Variants in GLYATL3 observed in about 807,000 individuals in gnomAD.
GLYATL3 encodes the protein glycine N-acyltransferase-like protein 3.
GLYATL3 carries 31 observed loss-of-function variants against 28.5 expected under a neutral mutation model. That is an observed-to-expected ratio of 1.09 (90% CI 0.82 to 1.47). GLYATL3 has a LOEUF of 1.47. Among genes scored for constraint, GLYATL3 ranks in the 40% most tolerant of loss-of-function variants. GLYATL3 has a pLI of 0.00. For synonymous variants in GLYATL3, 141 were observed against 140.2 expected (o/e 1.01, Z -0.04); for missense variants, 369 against 351.5 (o/e 1.05, Z -0.40).
chr6:49,522,275 C>T (rs1481402277), intron 5 of GLYATL3, among the ~76,000 whole-genome samples: 1 of 152,090 alleles, frequency 6.6e-6, no homozygotes, highest in Non-Finnish European at 1.5e-5. Flanking sequence ...CACCCCCACA[C>T]ACCTTTTTAA....
intron 2 of GLYATL3, among the ~76,000 whole-genome samples, chr6:49,512,965 G>T (rs764652910): frequency 2.6e-4 from 40 of 152,132 alleles, no homozygotes; most frequent in Non-Finnish European, 4.9e-4. Flanking sequence ...GAATCATTTG[G>T]CTAAAAAATA....
chr6:49,506,661 T>C (rs977842103), intron 1 of GLYATL3, among the ~76,000 whole-genome samples: 1 of 152,166 alleles, frequency 6.6e-6, no homozygotes, highest in African/African-American at 2.4e-5. Flanking sequence ...TCCATTTTCC[T>C]GACTTTTTTT....
Position 49,521,664 on chromosome 6 carries a change from T to C in GLYATL3, c.333T>C (p.Tyr111=). The change falls in exon 5 of 6, where the codon TAT becomes TAC. Residue 111 remains tyrosine (Y), a synonymous_variant. Transcript: ENST00000371197. ...FQIQGLQSEL[Y]DVSKAVANSK... is the part of the protein sequence containing the mutation. ...ACACAGGGCTGCAGAGTGAGTTATA[T>C]GATGTTTCCAAAGCGGTTGCCAATT... 2 of 1,551,080 alleles carry C rather than the reference T, an allele frequency of 1.3e-6. No individual in the cohort carries two copies. Among genetic ancestry groups the C allele is most frequent in the South Asian group, 2.4e-5 (2 of 84,036 alleles).
At chr6:49,519,088 A>C (rs1374444406) in intron 4 of GLYATL3, among the ~76,000 whole-genome samples, 1 of 152,242 alleles carries the variant, frequency 6.6e-6, no homozygotes, top group Non-Finnish European at 1.5e-5. Flanking sequence ...AATTTAGAAA[A>C]AAATGTTCTG....
chr6:49,515,907 T>TTTCC, intron 3 of GLYATL3, 147 bp downstream of exon 3: 1 of 603,446 alleles, frequency 1.7e-6, no homozygotes, highest in South Asian at 2.0e-5. Context: ...CTTTCCCTTC[T>TTTCC]TTCCTTCCCT....
intron 1 of GLYATL3, among the ~76,000 whole-genome samples, chr6:49,509,948 CTCTTTCTTTCTTTCTTTCTTTCTT>C (rs71540239): frequency 9.2e-4 from 92 of 100,256 alleles, no homozygotes; most frequent in African/African-American, 2.1e-3. Context: ...TATTTTCTTT[CTCTTTCTTTCTTTCTTTCTTTCTT>C]TCTTTCTTTC....
At position 49,527,249 on chromosome 6, in the gene GLYATL3, A is replaced by C. The variant is rs1440989227; in HGVS notation, c.*335A>C. Among the ~76,000 whole-genome samples, 2 of 152,310 alleles carry C rather than the reference A, an allele frequency of 1.3e-5. No individual in the cohort carries two copies. The highest frequency in any genetic ancestry group is 3.9e-4 in the East Asian group (2 of 5,172). On this transcript the variant is annotated 3_prime_UTR_variant, in exon 6 of 6. Transcript: ENST00000371197. Reference sequence around the variant, plus strand: ...AGAACAAATGATTTAACAGAGGACCACGTGGCTACTGCTTTTTGATTGCTG... The same window carrying C: ...AGAACAAATGATTTAACAGAGGACCCCGTGGCTACTGCTTTTTGATTGCTG...
intron 4 of GLYATL3, among the ~76,000 whole-genome samples, chr6:49,520,581 G>T (rs910037469): frequency 1.3e-5 from 2 of 152,186 alleles, no homozygotes; most frequent in Non-Finnish European, 2.9e-5. Context: ...CAGTGGGGAA[G>T]AAACAAGCCA....
At chr6:49,526,147 G>A (rs1334806520) in intron 5 of GLYATL3, among the ~76,000 whole-genome samples, 1 of 152,158 alleles carries the variant, frequency 6.6e-6, no homozygotes, top group East Asian at 1.9e-4. Flanking sequence ...CGGGCATGGT[G>A]GCTCACGCCT....
chr6:49,501,803 C>G (rs899398460), intron 1 of GLYATL3, among the ~76,000 whole-genome samples: 1 of 152,170 alleles, frequency 6.6e-6, no homozygotes, highest in Admixed American at 6.5e-5. Context: ...GCAAGATGAG[C>G]GTGTTATAGC....
intron 1 of GLYATL3, among the ~76,000 whole-genome samples, chr6:49,504,416 A>G (rs1768972696): frequency 6.6e-6 from 1 of 151,906 alleles, no homozygotes; most frequent in African/African-American, 2.4e-5. Flanking sequence ...CCTCTACCCC[A>G]CGTTAAAATA....
intron 4 of GLYATL3, among the ~76,000 whole-genome samples, chr6:49,519,899 G>C (rs990683323): frequency 1.3e-5 from 2 of 152,164 alleles, no homozygotes. Flanking sequence ...CTCACTACTG[G>C]TTGCACTGAC....
chr6:49,500,680 A>AT lies in GLYATL3; in HGVS notation c.-29+640dup, dbSNP rs140421120. On this transcript the variant is annotated intron_variant, in intron 1 of 5. Coordinates refer to ENST00000371197, the MANE Select transcript of GLYATL3 (RefSeq NM_001010904.2). ...ACAAATACTTTCAAACAGTGAGTCT[A>AT]TTGGTTATAATTTGGTTAAAGGAGT... Among the ~76,000 whole-genome samples, 589 of 152,288 alleles carry AT rather than the reference A, an allele frequency of 3.9e-3. 3 individuals carry two copies. Among genetic ancestry groups the AT allele is most frequent in the African/African-American group, 0.013 (556 of 41,562 alleles).
intron 5 of GLYATL3, among the ~76,000 whole-genome samples, chr6:49,522,105 C>T (rs1769327023): frequency 6.6e-6 from 1 of 152,138 alleles, no homozygotes; most frequent in Admixed American, 6.6e-5. Flanking sequence ...TATATACTGT[C>T]TGAGTCCAAA....
At chr6:49,509,161 A>G (rs908243078) in intron 1 of GLYATL3, among the ~76,000 whole-genome samples, 1 of 152,108 alleles carries the variant, frequency 6.6e-6, no homozygotes, top group African/African-American at 2.4e-5. Flanking sequence ...TTTAGTGTCA[A>G]AAGTGGACTC....
intron 1 of GLYATL3, among the ~76,000 whole-genome samples, chr6:49,500,782 T>C (rs1408332203): frequency 1.3e-5 from 2 of 152,222 alleles, no homozygotes; most frequent in African/African-American, 4.8e-5. Context: ...TATGACATTC[T>C]GCTCTTGTAG....
At chr6:49,518,366 T>C (rs958513341) in intron 4 of GLYATL3, among the ~76,000 whole-genome samples, 1 of 152,236 alleles carries the variant, frequency 6.6e-6, no homozygotes, top group Non-Finnish European at 1.5e-5. Flanking sequence ...TTTAGATGAA[T>C]AGTTTCCGCG....
At chr6:49,502,279 C>T (rs1436515176) in intron 1 of GLYATL3, among the ~76,000 whole-genome samples, 1 of 152,152 alleles carries the variant, frequency 6.6e-6, no homozygotes, top group Non-Finnish European at 1.5e-5. Context: ...AGTGGATCCT[C>T]CCAAGGATTT....
At chr6:49,514,839 C>T (rs1769184901) in intron 2 of GLYATL3, among the ~76,000 whole-genome samples, 1 of 151,910 alleles carries the variant, frequency 6.6e-6, no homozygotes, top group Non-Finnish European at 1.5e-5. Context: ...GAGTTCAAGG[C>T]TGCAGTGATC....
Sources: gnomAD v4.1 joint callset for allele counts (sites outside exome capture counted in the v4.1 genomes callset) on GRCh38, gnomAD v4.1.1 for gene constraint, MANE v1.5 for transcripts, NCBI Gene and HGNC (gene_info 2026-07-23, HGNC 2026-07-21) for gene names.